Variants in DOCK5 observed in about 807,000 individuals in gnomAD.
DOCK5 encodes dedicator of cytokinesis protein 5.
Under a neutral mutation model 251.8 loss-of-function variants are expected in DOCK5, and 142 were observed. That is an observed-to-expected ratio of 0.56 (90% CI 0.49 to 0.65). The LOEUF (loss-of-function observed/expected upper bound fraction) is 0.65, where lower values mean the gene tolerates loss of function less well. DOCK5 is among the 30% of genes least tolerant of loss of function. The pLI is 0.00. For missense variants in DOCK5, 2,111 were observed against 2,312.3 expected (o/e 0.91, Z 1.79); for synonymous variants, 842 against 835.5 (o/e 1.01, Z -0.13).
intron 13 of DOCK5, among the ~76,000 whole-genome samples, chr8:25,315,144 T>TTTTTTTTTTTTTTTTTTGAGACAG (rs1805207828): frequency 9.9e-6 from 1 of 100,904 alleles, no homozygotes; most frequent in South Asian, 3.3e-4. Context: ...TTAAAATTCT[T>TTTTTTTTTTTTTTTTTTGAGACAG]AATTTGCCCA....
rs186294278 is a variant in DOCK5, at chr8:25,412,175, C to G, written c.*877C>G. 1 of 125,362 alleles carries G rather than the reference C, an allele frequency of 8.0e-6. No individual in the cohort carries two copies. 7.8% of individuals were successfully genotyped at this position (125,362 alleles called of 1,614,324 possible). A position where few individuals can be genotyped will look rare whatever the true frequency, so the allele number is the denominator to read the frequency against. On this transcript the variant is annotated 3_prime_UTR_variant, in exon 52 of 52. Coordinates refer to ENST00000276440, the MANE Select transcript of DOCK5 (RefSeq NM_024940.8). ...CAGTCTGGATTCAGCAGTTTCTTTT[C>G]TAAAACCCATTTGGGTGACTCAGCA...
At position 25,289,136 on chromosome 8, in the gene DOCK5, C is replaced by T. The variant is rs564405586; in HGVS notation, c.322-2888C>T. ...TACTTTACACCAAGGCCTCTTTCCT[C>T]CTCATTTATTCTTTGTTAAGGAGTA... On this transcript the variant is annotated intron_variant, in intron 5 of 51. Coordinates refer to ENST00000276440, the MANE Select transcript of DOCK5 (RefSeq NM_024940.8). 3.9e-5 allele frequency among the ~76,000 whole-genome samples: 6 copies of T among 152,290 alleles called. No homozygotes were observed. The East Asian group carries it at 1.2e-3, about 29-fold the overall frequency.
intron 3 of DOCK5, chr8:25,270,985 G>C (rs1181858537): frequency 2.2e-6 from 1 of 452,134 alleles, no homozygotes; most frequent in African/African-American, 2.0e-5. Flanking sequence ...AGGGAATAAT[G>C]ACAAGGAAAT....
chr8:25,361,656 G>A (rs11777423), intron 28 of DOCK5, among the ~76,000 whole-genome samples: 46,825 of 151,924 alleles, frequency 0.31, 7,439 homozygotes, highest in East Asian at 0.35. Flanking sequence ...ATGATGAAAC[G>A]AATTTGAATT....
In DOCK5 at chr8:25,345,518, C is replaced by T. The variant is rs746351602; in HGVS notation, c.2661C>T (p.Ser887=). 2.0e-5 allele frequency: 32 copies of T among 1,613,756 alleles called. No homozygotes were observed. The highest frequency in any genetic ancestry group is 1.6e-4 in the South Asian group (15 of 91,092). The part of the protein sequence containing the change: ...VLLPLLTDQL[S]GQLDDNSNKP... The stretch of plus-strand genomic sequence containing the variant: ...TGCCACTGCTGACAGACCAGCTCAG[C>T]GGCCAGTTAGATGACAACTCCAACA... Residue 887 remains serine, a synonymous_variant, in exon 26 of 52, where the codon AGC becomes AGT. Transcript: ENST00000276440.
At chr8:25,291,969 C>A in intron 5 of DOCK5, 55 bp from the exon 6 acceptor site, 1 of 1,463,916 alleles carries the variant, frequency 6.8e-7, no homozygotes, top group Non-Finnish European at 9.1e-7. Context: ...ATGTTCCCAT[C>A]CTCTGTCACA....
rs1801091939 is a variant in DOCK5 at position 25,382,757 on chromosome 8, G to A, written c.4110G>A (p.Gln1370=). ...PEYFAVGYYG[Q]GFPSFLRNKI... ...ACTTTGCTGTTGGATACTATGGACA[G>A]GGCTTTCCTTCTTTCCTACGGGTAA... Residue 1370 remains glutamine (Q), a synonymous_variant, in exon 40 of 52, where the codon CAG becomes CAA. Coordinates refer to ENST00000276440, the MANE Select transcript of DOCK5 (RefSeq NM_024940.8). 2 of 1,613,668 alleles carry A rather than the reference G, an allele frequency of 1.2e-6. No individual in the cohort carries two copies.
chr8:25,256,067 T>C (rs1454186880), intron 2 of DOCK5, among the ~76,000 whole-genome samples: 2 of 152,234 alleles, frequency 1.3e-5, no homozygotes, highest in African/African-American at 4.8e-5. Context: ...CCAGGTATAA[T>C]TCAAGCTACA....
At chr8:25,256,858 G>A (rs1310310848) in intron 2 of DOCK5, among the ~76,000 whole-genome samples, 4 of 149,084 alleles carry the variant, frequency 2.7e-5, no homozygotes, top group African/African-American at 9.9e-5. Context: ...CAGTCTTAGG[G>A]TTTTTCTATC....
At chr8:25,201,204 G>A (rs949655612) in intron 1 of DOCK5, among the ~76,000 whole-genome samples, 2 of 152,200 alleles carry the variant, frequency 1.3e-5, no homozygotes, top group Non-Finnish European at 1.5e-5. Flanking sequence ...ACTGTGGCCG[G>A]CCTAAATGGC....
intron 27 of DOCK5, among the ~76,000 whole-genome samples, chr8:25,354,809 T>C (rs1800539454): frequency 1.3e-5 from 2 of 152,242 alleles, no homozygotes. Context: ...AAAAGCCTTA[T>C]AATTTTCTTC....
chr8:25,292,207 T>C lies in DOCK5; in HGVS notation c.470+35T>C, dbSNP rs776743071. On this transcript the variant is annotated intron_variant, in intron 6 of 51. Coordinates refer to ENST00000276440, the MANE Select transcript of DOCK5 (RefSeq NM_024940.8). ...CCAGGGATGGCTTTTCACTGAAAAC[T>C]TGGCGAACAGTGGGCATGTTCACGC... The C allele has an allele frequency of 3.3e-6, 5 of 1,525,026 alleles. No individual in the cohort carries two copies. The East Asian group carries it at 7.2e-5, about 22-fold the overall frequency. The allele number at this position is 1,525,026 out of a possible 1,614,324, so 94.5% of individuals were successfully genotyped here.
At chr8:25,222,592 C>A (rs997247606) in intron 1 of DOCK5, among the ~76,000 whole-genome samples, 1 of 152,164 alleles carries the variant, frequency 6.6e-6, no homozygotes, top group Non-Finnish European at 1.5e-5. Flanking sequence ...AGGATGAAGA[C>A]CAGGAATCAT....
chr8:25,231,954 T>A (rs1420028171), intron 1 of DOCK5, among the ~76,000 whole-genome samples: 1 of 152,186 alleles, frequency 6.6e-6, no homozygotes, highest in Non-Finnish European at 1.5e-5. Flanking sequence ...TGTTGGGTGA[T>A]GTTGATATTG....
At chr8:25,342,881 A>G (rs1383473212) in intron 25 of DOCK5, among the ~76,000 whole-genome samples, 19 of 147,390 alleles carry the variant, frequency 1.3e-4, no homozygotes, top group African/African-American at 4.8e-4. Flanking sequence ...TTTTATTTTT[A>G]TTTTTAGTAA....
intron 28 of DOCK5, among the ~76,000 whole-genome samples, chr8:25,361,864 G>A (rs951148806): frequency 6.6e-6 from 1 of 152,140 alleles, no homozygotes; most frequent in Non-Finnish European, 1.5e-5. Flanking sequence ...TAGGACCTGG[G>A]CCTCCTGTCT....
rs749172454 is a variant in DOCK5, at chr8:25,400,031, C to T, written c.4788+37C>T. On this transcript the variant is annotated intron_variant, in intron 46 of 51. Transcript: ENST00000276440. ...CTTTCCTCTACACTCCCAGGGAGGC[C>T]ACAGTGTGGGACACCCATTATTCTC... 10 of 1,544,508 alleles carry T rather than the reference C, an allele frequency of 6.5e-6. No individual in the cohort carries two copies. In the African/African-American group the frequency reaches 1.4e-4, roughly 21 times the overall value.
chr8:25,354,947 A>G (rs867732007), intron 27 of DOCK5, among the ~76,000 whole-genome samples: 11 of 152,312 alleles, frequency 7.2e-5, no homozygotes, highest in East Asian at 1.9e-4. Context: ...GAATCAAGAT[A>G]TTTAGGCCAA....
At chr8:25,344,216 T>A (rs1459295701) in intron 25 of DOCK5, among the ~76,000 whole-genome samples, 1 of 152,220 alleles carries the variant, frequency 6.6e-6, no homozygotes, top group Non-Finnish European at 1.5e-5. Flanking sequence ...AAAATACTTT[T>A]CATTTTGTAA....
Sources: gnomAD v4.1 joint callset for allele counts (sites outside exome capture counted in the v4.1 genomes callset) on GRCh38, gnomAD v4.1.1 for gene constraint, MANE v1.5 for transcripts, NCBI Gene and HGNC (gene_info 2026-07-23, HGNC 2026-07-21) for gene names.